The following RGS18 variants were observed in gnomAD, a reference collection of about 807,000 sequenced individuals.
The protein encoded by RGS18 is regulator of G protein signaling 18, also known as regulator of G-protein signaling 18.
In RGS18, 22 loss-of-function variants were observed where a neutral mutation model predicts 27.6. The ratio of observed to expected loss-of-function variants is 0.80; its 90% confidence interval spans 0.57 to 1.14. RGS18 has a LOEUF of 1.14. Among genes scored for constraint, RGS18 ranks in the 50% most tolerant of loss-of-function variants. The pLI is 0.00. For synonymous variants in RGS18, 89 were observed against 84.6 expected (o/e 1.05, Z -0.29); for missense variants, 299 against 269.6 (o/e 1.11, Z -0.76).
chr1:192,163,994 C>A (rs1656117081), intron 3 of RGS18, among the ~76,000 whole-genome samples: 1 of 151,662 alleles, frequency 6.6e-6, no homozygotes, highest in Non-Finnish European at 1.5e-5. Context: ...ATACTTTTCT[C>A]AAATTCTGTA....
At chr1:192,176,846 A>G (rs890680559) in intron 3 of RGS18, among the ~76,000 whole-genome samples, 5 of 151,824 alleles carry the variant, frequency 3.3e-5, no homozygotes, top group African/African-American at 9.7e-5. Flanking sequence ...GTGATATCCA[A>G]CAGAGAGCAG....
chr1:192,176,756 G>A (rs938601724), intron 3 of RGS18, among the ~76,000 whole-genome samples: 1 of 151,640 alleles, frequency 6.6e-6, no homozygotes, highest in Non-Finnish European at 1.5e-5. Flanking sequence ...ATTCAGTGGG[G>A]AGTTCAGGAT....
rs1015632971 is a variant in RGS18, at chr1:192,181,292, A to G, written c.284A>G (p.Asp95Gly). 5 of 1,433,150 alleles carry G rather than the reference A, an allele frequency of 3.5e-6. No individual in the cohort carries two copies. Among genetic ancestry groups the G allele is most frequent in the Non-Finnish European group, 4.7e-6 (5 of 1,054,676 alleles). 88.8% of individuals were successfully genotyped at this position (1,433,150 alleles called of 1,614,324 possible). Reference sequence around the variant, plus strand: ...GTTATATTATTTATTTTCTTGATAGATGGACTAGAGGCTTTTACCAGATTT... The same window carrying G: ...GTTATATTATTTATTTTCTTGATAGGTGGACTAGAGGCTTTTACCAGATTT... ...ESFDKLLSHR[D>G]GLEAFTRFLK... The change falls in exon 4 of 5, where the codon GAT (aspartate) becomes GGT (glycine). Residue 95 changes from aspartate to glycine, a missense_variant and splice_region_variant. By Grantham distance (94) the Asp-to-Gly change is moderately conservative. Coordinates refer to ENST00000367460, the MANE Select transcript of RGS18 (RefSeq NM_130782.3).
intron 3 of RGS18, among the ~76,000 whole-genome samples, chr1:192,167,118 A>C (rs2102153290): frequency 6.6e-6 from 1 of 152,292 alleles, no homozygotes; most frequent in South Asian, 2.1e-4. Context: ...GTAACTTCTG[A>C]AAACAATTTG....
At chr1:192,178,738 T>A (rs563371073) in intron 3 of RGS18, among the ~76,000 whole-genome samples, 12 of 151,610 alleles carry the variant, frequency 7.9e-5, no homozygotes, top group Non-Finnish European at 1.5e-4. Flanking sequence ...AATCAAAGAT[T>A]TTATATCTGT....
rs201434650 is a variant in RGS18 at position 192,181,477 on chromosome 1, T to C, written c.450+19T>C. 2.4e-3 allele frequency: 3,459 copies of C among 1,461,396 alleles called. 4 individuals carry two copies. The highest frequency in any genetic ancestry group is 2.9e-3 in the Non-Finnish European group (3,193 of 1,103,234). 90.5% of individuals were successfully genotyped at this position (1,461,396 alleles called of 1,614,324 possible). A position where few individuals can be genotyped will look rare whatever the true frequency, so the allele number is the denominator to read the frequency against. ...AAAAGAGGTACAGTAAAGATAACTG[T>C]AAAAATGCATAATTGCTTTCAAAAT... On this transcript the variant is annotated intron_variant, in intron 4 of 4. Transcript: ENST00000367460.
rs1377147258 is a variant in RGS18 at position 192,158,648 on chromosome 1, CA to C, written c.12del (p.Leu5CysfsTer7). On this transcript the variant is annotated frameshift_variant, in exon 1 of 5. Transcript: ENST00000367460. LOFTEE classifies it high-confidence loss of function. METTLLFFSQINMC... is the reference protein window; with the variant it reads METXLLFFSQINMC... ...CATTTTAGAGAGAAGATGGAAACAACATTGCTTTTCTTTTCTCAAATAAATA... is the reference window on the plus strand; with the variant it reads ...CATTTTAGAGAGAAGATGGAAACAACTTGCTTTTCTTTTCTCAAATAAATA... 6.4e-7 allele frequency: 1 copy of C among 1,562,504 alleles called. No homozygotes were observed. Among genetic ancestry groups the C allele is most frequent in the Non-Finnish European group, 8.6e-7 (1 of 1,161,328 alleles).
intron 3 of RGS18, among the ~76,000 whole-genome samples, chr1:192,170,786 A>G (rs1306562515): frequency 6.6e-6 from 1 of 152,146 alleles, no homozygotes; most frequent in Non-Finnish European, 1.5e-5. Flanking sequence ...AACAATACTT[A>G]TTCAGCTTAT....
chr1:192,159,175 A>T, intron 1 of RGS18, 45 bp from the exon 2 acceptor site: 1 of 1,402,162 alleles, frequency 7.1e-7, no homozygotes. Context: ...GAGAGATTTT[A>T]ACTGTCATCT....
At chr1:192,160,733 C>G (rs150205219) in intron 3 of RGS18, 1 of 335,192 alleles carries the variant, frequency 3.0e-6, no homozygotes, top group Non-Finnish European at 5.4e-6. Context: ...TCGGTTTTAT[C>G]AAATTCATGA....
At chr1:192,168,760 T>C (rs546946391) in intron 3 of RGS18, 9 of 152,316 alleles carry the variant, frequency 5.9e-5, no homozygotes, top group African/African-American at 2.2e-4. Flanking sequence ...GTAAGGACTT[T>C]CTTTTCTTTA....
intron 3 of RGS18, among the ~76,000 whole-genome samples, chr1:192,166,684 G>T (rs913222965): frequency 6.6e-6 from 1 of 152,136 alleles, no homozygotes; most frequent in South Asian, 2.1e-4. Flanking sequence ...ATGAGCCAAA[G>T]ATTTCTAGAT....
chr1:192,160,625 T>C, intron 3 of RGS18, 186 bp downstream of exon 3: 2 of 508,414 alleles, frequency 3.9e-6, no homozygotes, highest in Non-Finnish European at 7.0e-6. Context: ...TTAAAAGTTC[T>C]CATTTTGTTT....
intron 3 of RGS18, among the ~76,000 whole-genome samples, chr1:192,176,356 C>G (rs1372511122): frequency 6.6e-6 from 1 of 151,808 alleles, no homozygotes; most frequent in East Asian, 1.9e-4. Context: ...TTCAGCAAGA[C>G]TTCTTACTAT....
intron 4 of RGS18, 22 bp downstream of exon 4, chr1:192,181,480 A>G: frequency 6.9e-6 from 10 of 1,459,278 alleles, no homozygotes; most frequent in Non-Finnish European, 9.1e-6. Flanking sequence ...ATAACTGTAA[A>G]AATGCATAAT....
intron 3 of RGS18, among the ~76,000 whole-genome samples, chr1:192,172,545 A>G (rs1447057169): frequency 6.6e-6 from 1 of 151,910 alleles, no homozygotes; most frequent in South Asian, 2.1e-4. Flanking sequence ...CTTTATAGCA[A>G]CACAAAACAG....
At chr1:192,165,517 G>T (rs985636456) in intron 3 of RGS18, among the ~76,000 whole-genome samples, 3 of 152,028 alleles carry the variant, frequency 2.0e-5, no homozygotes, top group Non-Finnish European at 4.4e-5. Flanking sequence ...TGGCTCAGGG[G>T]GCATCACGGA....
At chr1:192,161,738 G>A (rs994773718) in intron 3 of RGS18, among the ~76,000 whole-genome samples, 3 of 152,116 alleles carry the variant, frequency 2.0e-5, no homozygotes, top group African/African-American at 7.2e-5. Flanking sequence ...ACAATTTTAA[G>A]GTGTCTACTG....
chr1:192,159,724 T>C (rs914390374), intron 2 of RGS18, among the ~76,000 whole-genome samples: 2 of 152,172 alleles, frequency 1.3e-5, no homozygotes, highest in African/African-American at 4.8e-5. Flanking sequence ...TAATGTCTTT[T>C]AATACTTAGC....
Sources: allele counts gnomAD v4.1 joint callset (sites outside exome capture counted in the v4.1 genomes callset), GRCh38; gene constraint gnomAD v4.1.1; transcripts MANE v1.5; gene names NCBI Gene and HGNC (gene_info 2026-07-23, HGNC 2026-07-21).